The following PI4KA variants were observed in gnomAD, a reference collection of about 807,000 sequenced individuals.
PI4KA encodes the protein PI4-kinase alpha.
In PI4KA, 122 loss-of-function variants were observed where a neutral mutation model predicts 271.4. That is an observed-to-expected ratio of 0.45 (90% CI 0.39 to 0.52). The LOEUF is 0.52. PI4KA is among the 20% of genes least tolerant of loss of function. The pLI is 0.00. For missense variants in PI4KA, 1,969 were observed against 2,769.1 expected (o/e 0.71, Z 6.48); for synonymous variants, 1,041 against 1,078.8 (o/e 0.96, Z 0.69).
At chr22:20,799,886 C>T (rs78526724) in intron 14 of PI4KA, 120 bp from the exon 15 acceptor site, 11,603 of 621,608 alleles carry the variant, frequency 0.019, 139 homozygotes, top group Non-Finnish European at 0.024. Flanking sequence ...TTTTCTTCCC[C>T]CCAAATTGGA....
intron 36 of PI4KA, 141 bp from the exon 37 acceptor site, chr22:20,730,152 C>A (rs892228428): frequency 1.4e-5 from 12 of 857,528 alleles, no homozygotes; most frequent in Non-Finnish European, 1.8e-5. Flanking sequence ...ACTGCAGGAA[C>A]AAATCTGTCT....
chr22:20,783,438 A>T (rs1933953244), intron 19 of PI4KA, among the ~76,000 whole-genome samples: 2 of 58,800 alleles, frequency 3.4e-5, no homozygotes, highest in South Asian at 4.2e-4. Context: ...CTACAATTAA[A>T]AAAAAAAAAA....
At position 20,742,776 on chromosome 22, in the gene PI4KA, T is replaced by C. The variant is rs1346637272; in HGVS notation, c.3457-12A>G. ...ATCATTCCATACACCTGCAAAAACA[T>C]TCTCATCAGCAACTAAGCATATAAT... On this transcript the variant is annotated splice_polypyrimidine_tract_variant and intron_variant, in intron 30 of 54. Transcript: ENST00000255882. The C allele has an allele frequency of 6.2e-7, 1 of 1,613,724 alleles. No homozygotes were observed. Among genetic ancestry groups the C allele is most frequent in the Non-Finnish European group, 8.5e-7 (1 of 1,179,688 alleles).
chr22:20,797,772 A>T (rs763717225), intron 17 of PI4KA, among the ~76,000 whole-genome samples: 6 of 139,170 alleles, frequency 4.3e-5, no homozygotes, highest in Non-Finnish European at 9.3e-5. Context: ...ACTCCCACCC[A>T]CTAAACTGAC....
Position 20,854,877 on chromosome 22 carries a change from C to T in PI4KA, c.156+3693G>A, listed in dbSNP as rs112842696. 7.5e-3 allele frequency among the ~76,000 whole-genome samples: 1,146 copies of T among 152,294 alleles called. 14 individuals carry two copies. Among genetic ancestry groups the T allele is most frequent in the African/African-American group, 0.025 (1,058 of 41,552 alleles). On this transcript the variant is annotated intron_variant, in intron 1 of 54. Coordinates refer to ENST00000255882, the MANE Select transcript of PI4KA (RefSeq NM_058004.4). ...CTTAAGAACAAGAAACTTGGCCGGGCGTGGTGGCTCACGCCTGCAATCCTG... is the reference window on the plus strand; with the variant it reads ...CTTAAGAACAAGAAACTTGGCCGGGTGTGGTGGCTCACGCCTGCAATCCTG...
intron 32 of PI4KA, chr22:20,736,780 GTGAA>G (rs1202244556): frequency 3.2e-5 from 5 of 155,870 alleles, no homozygotes; most frequent in African/African-American, 4.8e-5. Flanking sequence ...GGCATCTACA[GTGAA>G]TGGAGGGACC....
chr22:20,784,087 A>G, intron 19 of PI4KA: 1 of 1,614,204 alleles, frequency 6.2e-7, no homozygotes, highest in Non-Finnish European at 8.5e-7. Flanking sequence ...TCCTCGCAGC[A>G]AATGACCAGG....
intron 25 of PI4KA, 136 bp downstream of exon 25, chr22:20,752,767 T>C: frequency 3.5e-6 from 3 of 851,460 alleles, no homozygotes; most frequent in Non-Finnish European, 3.7e-6. Context: ...GGAGGGAGGC[T>C]GCATCACCCT....
intron 23 of PI4KA, among the ~76,000 whole-genome samples, chr22:20,756,248 A>T (rs1203337187): frequency 1.3e-5 from 2 of 150,036 alleles, no homozygotes; most frequent in Admixed American, 6.7e-5. Flanking sequence ...AGTTTCGCTC[A>T]TCGCCCAGGC....
chr22:20,850,759 C>T (rs1008836082), intron 1 of PI4KA, among the ~76,000 whole-genome samples: 6 of 151,994 alleles, frequency 3.9e-5, no homozygotes, highest in East Asian at 2.0e-4. Context: ...TTAAAATTTT[C>T]GCTGGGTACA....
At chr22:20,847,094 G>A (rs1926364771) in intron 1 of PI4KA, among the ~76,000 whole-genome samples, 1 of 150,408 alleles carries the variant, frequency 6.6e-6, no homozygotes, top group Non-Finnish European at 1.5e-5. Context: ...GTTGCAGTGA[G>A]CCGAGATCAC....
At chr22:20,818,397 T>C (rs943177509) in intron 7 of PI4KA, 86 bp downstream of exon 7, 203 of 945,800 alleles carry the variant, frequency 2.1e-4, no homozygotes, top group Non-Finnish European at 8.4e-5. Flanking sequence ...AGAGTTAGTA[T>C]CAGCATCCTT....
intron 13 of PI4KA, 25 bp downstream of exon 13, chr22:20,803,166 T>C: frequency 6.2e-7 from 1 of 1,612,928 alleles, no homozygotes; most frequent in Non-Finnish European, 8.5e-7. Flanking sequence ...TCTCAGGGCC[T>C]GAAGGGCACA....
intron 33 of PI4KA, 69 bp downstream of exon 33, chr22:20,734,326 C>A (rs1928434586): frequency 1.4e-6 from 2 of 1,391,546 alleles, no homozygotes; most frequent in East Asian, 2.5e-5. Flanking sequence ...CGGCTACCCC[C>A]ACCCCAGGAA....
intron 53 of PI4KA, 138 bp from the exon 54 acceptor site, chr22:20,709,517 T>G: frequency 2.9e-6 from 2 of 679,836 alleles, no homozygotes; most frequent in South Asian, 3.3e-5. Flanking sequence ...GTCCACATGT[T>G]GGAAGATGGG....
At chr22:20,720,707 G>A (rs950288360) in intron 43 of PI4KA, among the ~76,000 whole-genome samples, 9 of 152,186 alleles carry the variant, frequency 5.9e-5, no homozygotes, top group Non-Finnish European at 1.2e-4. Flanking sequence ...AGTGGAACGA[G>A]AATGAGAATC....
intron 1 of PI4KA, among the ~76,000 whole-genome samples, chr22:20,848,035 C>T (rs569736161): frequency 2.0e-5 from 3 of 151,960 alleles, no homozygotes; most frequent in Non-Finnish European, 4.4e-5. Flanking sequence ...GTCAAGAGTT[C>T]GAGACCAGCC....
intron 54 of PI4KA, among the ~76,000 whole-genome samples, 166 bp from the exon 55 acceptor site, chr22:20,708,264 G>A (rs970683275): frequency 1.3e-5 from 2 of 152,112 alleles, no homozygotes; most frequent in Non-Finnish European, 1.5e-5. Context: ...CACATCTCCT[G>A]CTCCAACCCG....
At chr22:20,783,786 C>A (rs1392673193) in intron 19 of PI4KA, among the ~76,000 whole-genome samples, 1 of 152,138 alleles carries the variant, frequency 6.6e-6, no homozygotes, top group African/African-American at 2.4e-5. Flanking sequence ...GGTAACCTCT[C>A]GTTAACCTCT....
Sources: allele counts gnomAD v4.1 joint callset (sites outside exome capture counted in the v4.1 genomes callset), GRCh38; gene constraint gnomAD v4.1.1; transcripts MANE v1.5; gene names NCBI Gene and HGNC (gene_info 2026-07-23, HGNC 2026-07-21).